The following DPP10 variants were observed in gnomAD, a reference collection of about 807,000 sequenced individuals.
DPP10 encodes inactive dipeptidyl peptidase 10.
In DPP10, 33 loss-of-function variants were observed where a neutral mutation model predicts 120.9. That is an observed-to-expected ratio of 0.27 (90% CI 0.21 to 0.37). The LOEUF is 0.37. DPP10 is among the 10% of genes least tolerant of loss of function. The pLI is 1.00. For synonymous variants in DPP10, 337 were observed against 326.1 expected, an observed-to-expected ratio of 1.03 and a Z score of -0.36; for missense variants, 816 against 942.8, an observed-to-expected ratio of 0.87 and a Z score of 1.76.
chr2:115,469,024 G>A (rs544379232), intron 3 of DPP10: 21 of 200,338 alleles, frequency 1.0e-4, no homozygotes, highest in African/African-American at 3.3e-4. Context: ...GCAGTGGTGC[G>A]ATAGCTGACT....
At position 115,524,966 on chromosome 2, in the gene DPP10, AAAAC is replaced by A. The variant is rs147985649; in HGVS notation, c.367-912_367-909del. 9.5e-4 allele frequency among the ~76,000 whole-genome samples: 144 copies of A among 152,100 alleles called. No individual in the cohort carries two copies. The East Asian group carries it at 9.5e-3, about 10-fold the overall frequency. The stretch of plus-strand genomic sequence containing the variant: ...CCATTGTGTTTTGGGGTCCCTATGT[AAAAC>A]AAACAAACAAACAAACAAAAACAAA... On this transcript the variant is annotated intron_variant, in intron 4 of 25. Transcript: ENST00000410059.
chr2:114,599,517 T>C (rs1343488266), intron 1 of DPP10, among the ~76,000 whole-genome samples: 1 of 152,002 alleles, frequency 6.6e-6, no homozygotes, highest in East Asian at 1.9e-4. Flanking sequence ...AATATACTAC[T>C]TTTTAAATTT....
intron 1 of DPP10, among the ~76,000 whole-genome samples, chr2:115,081,935 G>C (rs919356037): frequency 2.0e-5 from 3 of 152,050 alleles, no homozygotes; most frequent in Admixed American, 6.5e-5. Context: ...TTCCCAGAAG[G>C]CCTCTGCTAG....
chr2:115,821,836 G>A (rs1438808643), intron 21 of DPP10, among the ~76,000 whole-genome samples: 1 of 151,950 alleles, frequency 6.6e-6, no homozygotes, highest in African/African-American at 2.4e-5. Context: ...TTATAAACGT[G>A]TACGCTTGTT....
At chr2:115,375,838 C>G (rs930258248) in intron 3 of DPP10, among the ~76,000 whole-genome samples, 9 of 152,162 alleles carry the variant, frequency 5.9e-5, no homozygotes, top group Non-Finnish European at 2.9e-5. Context: ...TGAGAACTCA[C>G]TATGATGAAA....
intron 1 of DPP10, among the ~76,000 whole-genome samples, chr2:115,237,196 T>C (rs1337549669): frequency 6.6e-6 from 1 of 152,200 alleles, no homozygotes; most frequent in Non-Finnish European, 1.5e-5. Context: ...GCCTAATTCA[T>C]GTGTTTGGGT....
intron 3 of DPP10, among the ~76,000 whole-genome samples, chr2:115,391,715 ATTCAT>A (rs1267958368): frequency 6.6e-6 from 1 of 151,932 alleles, no homozygotes; most frequent in African/African-American, 2.4e-5. Context: ...TTTGTCCAAG[ATTCAT>A]TTCATTAAAC....
At chr2:115,732,162 C>T (rs1360249617) in intron 8 of DPP10, among the ~76,000 whole-genome samples, 1 of 151,934 alleles carries the variant, frequency 6.6e-6, no homozygotes, top group Non-Finnish European at 1.5e-5. Context: ...GTATGGGAGA[C>T]ACAGAAAGTA....
intron 1 of DPP10, among the ~76,000 whole-genome samples, chr2:114,726,422 G>A (rs891066754): frequency 6.6e-6 from 1 of 152,038 alleles, no homozygotes. Context: ...ACTTTTATTC[G>A]TTGTGGAATG....
chr2:115,347,395 CT>C (rs773393164), intron 3 of DPP10, among the ~76,000 whole-genome samples: 18 of 152,074 alleles, frequency 1.2e-4, no homozygotes, highest in Non-Finnish European at 2.5e-4. Flanking sequence ...AGTGCATTTC[CT>C]TGTGACAGCT....
At chr2:115,554,413 T>G (rs952001588) in intron 5 of DPP10, among the ~76,000 whole-genome samples, 3 of 151,906 alleles carry the variant, frequency 2.0e-5, no homozygotes, top group Non-Finnish European at 4.4e-5. Flanking sequence ...GGTTTACAAG[T>G]ACATCTGAAG....
rs556116993 is a variant in DPP10 at position 115,326,087 on chromosome 2, C to T, written c.175+16734C>T. Among the ~76,000 whole-genome samples, 7 of 152,206 alleles carry T rather than the reference C, an allele frequency of 4.6e-5. No individual in the cohort carries two copies. The South Asian group carries it at 8.3e-4, about 18-fold the overall frequency. ...TTACATGTTGAAAGACTCTTACCCA[C>T]GTCTACTTCTGTAATATGAATTGGT... On this transcript the variant is annotated intron_variant, in intron 2 of 25. Transcript: ENST00000410059.
chr2:115,372,691 C>G (rs2065496437), intron 3 of DPP10, among the ~76,000 whole-genome samples: 1 of 152,164 alleles, frequency 6.6e-6, no homozygotes, highest in Non-Finnish European at 1.5e-5. Flanking sequence ...GACCAGATTG[C>G]TGACCAGCTC....
chr2:115,323,793 A>G (rs2062190831), intron 2 of DPP10, among the ~76,000 whole-genome samples: 1 of 152,174 alleles, frequency 6.6e-6, no homozygotes, highest in Non-Finnish European at 1.5e-5. Flanking sequence ...GAATATTTTT[A>G]TGAGTAGTAA....
intron 3 of DPP10, among the ~76,000 whole-genome samples, chr2:115,401,042 T>C (rs2068036664): frequency 6.6e-6 from 1 of 152,158 alleles, no homozygotes. Context: ...AGCAAGAAAG[T>C]TAGCCAAGAG....
chr2:115,616,291 A>G (rs1016328013), intron 5 of DPP10, among the ~76,000 whole-genome samples: 4 of 152,090 alleles, frequency 2.6e-5, no homozygotes, highest in African/African-American at 9.7e-5. Flanking sequence ...TATCTCATTC[A>G]ATTCTCATAA....
At chr2:115,069,255 T>A (rs1707174023) in intron 1 of DPP10, among the ~76,000 whole-genome samples, 1 of 152,102 alleles carries the variant, frequency 6.6e-6, no homozygotes, top group African/African-American at 2.4e-5. Context: ...AGATCTTTTA[T>A]CTCCTTTGCT....
intron 1 of DPP10, among the ~76,000 whole-genome samples, chr2:115,134,511 C>T (rs1365056613): frequency 6.6e-6 from 1 of 152,130 alleles, no homozygotes; most frequent in Admixed American, 6.6e-5. Flanking sequence ...AGGTATGTTT[C>T]CTGGCTTACA....
intron 5 of DPP10, among the ~76,000 whole-genome samples, chr2:115,682,232 A>G (rs1482165229): frequency 6.6e-6 from 1 of 151,990 alleles, no homozygotes; most frequent in Non-Finnish European, 1.5e-5. Context: ...ATCAAACCAG[A>G]TATTTTCAAA....
Sources: allele counts gnomAD v4.1 joint callset (sites outside exome capture counted in the v4.1 genomes callset), GRCh38; gene constraint gnomAD v4.1.1; transcripts MANE v1.5; gene names NCBI Gene and HGNC (gene_info 2026-07-23, HGNC 2026-07-21).